The following NAP1L5 variants were observed in gnomAD, a reference collection of about 807,000 sequenced individuals.
NAP1L5 encodes nucleosome assembly protein 1-like 5.
For missense variants in NAP1L5, 249 were observed against 246.4 expected (o/e 1.01, Z -0.07); for synonymous variants, 125 against 103.6 (o/e 1.21, Z -1.25).
rs1734672271 is a variant in NAP1L5, at chr4:88,697,069, A to G, written c.*137T>C. 1.2e-6 allele frequency: 1 copy of G among 823,788 alleles called. No homozygotes were observed. The highest frequency in any genetic ancestry group is 1.8e-6 in the Non-Finnish European group (1 of 542,774). 51.0% of individuals were successfully genotyped at this position (823,788 alleles called of 1,614,324 possible). On this transcript the variant is annotated 3_prime_UTR_variant, in exon 1 of 1. Coordinates refer to ENST00000323061, the MANE Select transcript of NAP1L5 (RefSeq NM_153757.4). ...GGATCTAATTGCTTTAATTTAATCT[A>G]TTTTAGGAATGTCAGAATAAATTCA...
In NAP1L5 at chr4:88,697,290, C is replaced by G. The variant is rs770566274; in HGVS notation, c.465G>C (p.Glu155Asp). The change falls in exon 1 of 1, where the codon GAG becomes GAC. Residue 155 changes from glutamate to aspartate, a missense_variant. Glu to Asp is a conservative substitution (Grantham distance 45). Transcript: ENST00000323061. ...EDDEEEGEDE[E>D]EEEAAAEAAA... is the part of the protein sequence containing the mutation. ...CAGCCTCTGCCGCAGCCTCCTCCTC[C>G]TCCTCGTCTTCCCCCTCCTCCTCGT... The G allele has an allele frequency of 1.9e-6, 3 of 1,605,842 alleles. No homozygotes were observed. In the East Asian group the frequency reaches 6.7e-5, roughly 36 times the overall value.
chr4:88,697,286 C>A lies in NAP1L5; in HGVS notation c.469G>T (p.Glu157Ter). 6.2e-7 allele frequency: 1 copy of A among 1,604,320 alleles called. No homozygotes were observed. Among genetic ancestry groups the A allele is most frequent in the Admixed American group, 1.7e-5 (1 of 58,680 alleles). Residue 157 changes from glutamate to a stop codon, truncating the protein, a stop_gained, in exon 1 of 1, where the codon GAG becomes TAG. Transcript: ENST00000323061. LOFTEE classifies it low-confidence loss of function (END_TRUNC). The stretch of plus-strand genomic sequence containing the variant: ...GCGGCAGCCTCTGCCGCAGCCTCCT[C>A]CTCCTCCTCGTCTTCCCCCTCCTCC... ...DEEEGEDEEE[E>*]EAAAEAAAGA...
rs1336689181 is a variant in NAP1L5, at chr4:88,696,743, G to A, written c.*463C>T. The A allele has an allele frequency of 6.4e-6, 1 of 155,082 alleles. No homozygotes were observed. The highest frequency in any genetic ancestry group is 1.4e-5 in the Non-Finnish European group (1 of 69,844). The allele number at this position is 155,082 out of a possible 1,614,324, so 9.6% of individuals were successfully genotyped here. On this transcript the variant is annotated 3_prime_UTR_variant, in exon 1 of 1. Transcript: ENST00000323061. ...ACAAAAGCAAAGTCTCAAAGATGAC[G>A]TTTTTCTTGGGTTCTGCCTTCTCTG...
At position 88,697,791 on chromosome 4, in the gene NAP1L5, C is replaced by T. The variant is rs1286422961; in HGVS notation, c.-37G>A. On this transcript the variant is annotated 5_prime_UTR_variant, in exon 1 of 1. Coordinates refer to ENST00000323061, the MANE Select transcript of NAP1L5 (RefSeq NM_153757.4). ...AGCCGCAGAGGTCTAGGAGGGCTCC[C>T]GCAGAGGCCCTGCACCCGAGCTGGT... The T allele has an allele frequency of 3.9e-6, 6 of 1,548,178 alleles. No homozygotes were observed. In the Admixed American group the frequency reaches 5.9e-5, roughly 15 times the overall value.
At position 88,697,141 on chromosome 4, in the gene NAP1L5, T is replaced by C; in HGVS notation, c.*65A>G. The C allele has an allele frequency of 1.4e-6, 2 of 1,433,988 alleles. No homozygotes were observed. Among genetic ancestry groups the C allele is most frequent in the Non-Finnish European group, 1.8e-6 (2 of 1,081,294 alleles). The allele number at this position is 1,433,988 out of a possible 1,614,324, so 88.8% of individuals were successfully genotyped here. On this transcript the variant is annotated 3_prime_UTR_variant, in exon 1 of 1. Coordinates refer to ENST00000323061, the MANE Select transcript of NAP1L5 (RefSeq NM_153757.4). ...CTGAGCCTTTTTAAGTCCATCGATATTCTGGGAAAAACAAAACCAGGCTTT... is the reference window on the plus strand; with the variant it reads ...CTGAGCCTTTTTAAGTCCATCGATACTCTGGGAAAAACAAAACCAGGCTTT...
At position 88,697,761 on chromosome 4, in the gene NAP1L5, G is replaced by A. The variant is rs1560779225; in HGVS notation, c.-7C>T. On this transcript the variant is annotated 5_prime_UTR_variant, in exon 1 of 1. Transcript: ENST00000323061. ...GGTTTTCCGAGTCGGCCATGTTAGA[G>A]GAGAAGCCGCAGAGGTCTAGGAGGG... The A allele has an allele frequency of 6.2e-7, 1 of 1,601,576 alleles. No individual in the cohort carries two copies. Among genetic ancestry groups the A allele is most frequent in the South Asian group, 1.1e-5 (1 of 89,512 alleles).
chr4:88,697,758 A>G lies in NAP1L5; in HGVS notation c.-4T>C, dbSNP rs1734797812. On this transcript the variant is annotated 5_prime_UTR_variant, in exon 1 of 1. Transcript: ENST00000323061. ...CCTGGTTTTCCGAGTCGGCCATGTT[A>G]GAGGAGAAGCCGCAGAGGTCTAGGA... The G allele has an allele frequency of 6.2e-7, 1 of 1,603,354 alleles. No homozygotes were observed. Among genetic ancestry groups the G allele is most frequent in the Non-Finnish European group, 8.5e-7 (1 of 1,175,234 alleles).
chr4:88,697,303 C>T lies in NAP1L5; in HGVS notation c.452G>A (p.Gly151Glu), dbSNP rs372613997. Reference protein sequence around the residue: ...EEEYEDDEEEGEDEEEEEAAA... With the variant: ...EEEYEDDEEEEEDEEEEEAAA... ...AGCCTCCTCCTCCTCCTCGTCTTCC[C>T]CCTCCTCCTCGTCATCCTCGTACTC... Residue 151 changes from glycine (G) to glutamate (E), a missense_variant, in exon 1 of 1, where the codon GGG becomes GAG. Transcript: ENST00000323061. 17 of 1,609,628 alleles carry T rather than the reference C, an allele frequency of 1.1e-5. No individual in the cohort carries two copies. The African/African-American group carries it at 2.0e-4, about 19-fold the overall frequency.
chr4:88,697,759 G>C lies in NAP1L5; in HGVS notation c.-5C>G. 1 of 1,602,938 alleles carries C rather than the reference G, an allele frequency of 6.2e-7. No individual in the cohort carries two copies. The highest frequency in any genetic ancestry group is 8.5e-7 in the Non-Finnish European group (1 of 1,175,050). ...CTGGTTTTCCGAGTCGGCCATGTTA[G>C]AGGAGAAGCCGCAGAGGTCTAGGAG... is the stretch of plus-strand genomic sequence containing the variant. On this transcript the variant is annotated 5_prime_UTR_variant, in exon 1 of 1. Transcript: ENST00000323061.
chr4:88,696,469 A>T lies in NAP1L5; in HGVS notation c.*737T>A, dbSNP rs1005326998. On this transcript the variant is annotated 3_prime_UTR_variant, in exon 1 of 1. Coordinates refer to ENST00000323061, the MANE Select transcript of NAP1L5 (RefSeq NM_153757.4). ...TTGGGGTATTTTTTACGTGTTTGTA[A>T]ATAGACAGTACTAAGAAAACACAAA... The T allele has an allele frequency of 6.6e-6, 1 of 152,536 alleles. No individual in the cohort carries two copies. The highest frequency in any genetic ancestry group is 2.4e-5 in the African/African-American group (1 of 41,418). 9.4% of individuals were successfully genotyped at this position (152,536 alleles called of 1,614,324 possible). A position where few individuals can be genotyped will look rare whatever the true frequency, so the allele number is the denominator to read the frequency against.
At position 88,697,379 on chromosome 4, in the gene NAP1L5, C is replaced by G; in HGVS notation, c.376G>C (p.Glu126Gln). The G allele has an allele frequency of 6.2e-7, 1 of 1,614,066 alleles. No individual in the cohort carries two copies. Among genetic ancestry groups the G allele is most frequent in the Non-Finnish European group, 8.5e-7 (1 of 1,180,036 alleles). The change falls in exon 1 of 1, where the codon GAG (glutamate) becomes CAG (glutamine). Residue 126 changes from glutamate to glutamine, a missense_variant. Physicochemically the swap from Glu to Gln is conservative, Grantham distance 29 (BLOSUM62 2). Coordinates refer to ENST00000323061, the MANE Select transcript of NAP1L5 (RefSeq NM_153757.4). ...AAGGTCCATGCACACCCCTCCATCT[C>G]GCCGGTGAGCTCTTGGATCTTGGCG... ...LLAKIQELTG[E>Q]MEGCAWTLEG...
Position 88,697,446 on chromosome 4 carries a change from C to T in NAP1L5, c.309G>A (p.Gln103=), listed in dbSNP as rs1560778190. 6 of 1,614,034 alleles carry T rather than the reference C, an allele frequency of 3.7e-6. No individual in the cohort carries two copies. The Admixed American group carries it at 8.3e-5, about 22-fold the overall frequency. Residue 103 remains glutamine, a synonymous_variant, in exon 1 of 1, where the codon CAG becomes CAA. Coordinates refer to ENST00000323061, the MANE Select transcript of NAP1L5 (RefSeq NM_153757.4). The part of the protein sequence containing the change: ...KIEAKFDKEF[Q]ALEKKYNDIY... ...TGTCATTATACTTTTTTTCCAGAGC[C>T]TGAAATTCCTTATCAAATTTGGCTT...
In NAP1L5 at chr4:88,696,471, T is replaced by C. The variant is rs1560776530; in HGVS notation, c.*735A>G. 1.3e-5 allele frequency: 2 copies of C among 152,580 alleles called. No individual in the cohort carries two copies. Among genetic ancestry groups the C allele is most frequent in the African/African-American group, 4.8e-5 (2 of 41,454 alleles). 9.5% of individuals were successfully genotyped at this position (152,580 alleles called of 1,614,324 possible). On this transcript the variant is annotated 3_prime_UTR_variant, in exon 1 of 1. Coordinates refer to ENST00000323061, the MANE Select transcript of NAP1L5 (RefSeq NM_153757.4). ...GGGGTATTTTTTACGTGTTTGTAAATAGACAGTACTAAGAAAACACAAACA... is the reference window on the plus strand; with the variant it reads ...GGGGTATTTTTTACGTGTTTGTAAACAGACAGTACTAAGAAAACACAAACA...
rs953950988 is a variant in NAP1L5, at chr4:88,696,974, G to C, written c.*232C>G. On this transcript the variant is annotated 3_prime_UTR_variant, in exon 1 of 1. Coordinates refer to ENST00000323061, the MANE Select transcript of NAP1L5 (RefSeq NM_153757.4). ...AAAACATAATTTTGGGTTTAATTCA[G>C]TTTTCTTTAACACCTTTTGATATAT... 1.1e-5 allele frequency: 5 copies of C among 436,018 alleles called. No homozygotes were observed. The highest frequency in any genetic ancestry group is 1.0e-4 in the African/African-American group (5 of 48,836). 27.0% of individuals were successfully genotyped at this position (436,018 alleles called of 1,614,324 possible).
Position 88,697,595 on chromosome 4 carries a change from C to T in NAP1L5, c.160G>A (p.Glu54Lys), listed in dbSNP as rs1019510282. ...PDSAAGQMAE[E>K]PQTPAENAPK... ...GCATTCTCTGCAGGGGTCTGGGGCT[C>T]CTCAGCCATCTGACCAGCCGCGCTG... The change falls in exon 1 of 1, where the codon GAG becomes AAG. Residue 54 changes from glutamate to lysine, a missense_variant. Physicochemically the swap from Glu to Lys is moderately conservative, Grantham distance 56. Coordinates refer to ENST00000323061, the MANE Select transcript of NAP1L5 (RefSeq NM_153757.4). 3 of 1,613,874 alleles carry T rather than the reference C, an allele frequency of 1.9e-6. No individual in the cohort carries two copies. The African/African-American group carries it at 4.0e-5, about 22-fold the overall frequency.
At position 88,697,744 on chromosome 4, in the gene NAP1L5, G is replaced by A. The variant is rs773253882; in HGVS notation, c.11C>T (p.Ser4Leu). The A allele has an allele frequency of 2.5e-6, 4 of 1,608,272 alleles. No homozygotes were observed. Among genetic ancestry groups the A allele is most frequent in the Non-Finnish European group, 3.4e-6 (4 of 1,177,748 alleles). The change falls in exon 1 of 1, where the codon TCG becomes TTG. Residue 4 changes from serine to leucine, a missense_variant. By Grantham distance (145) the Ser-to-Leu change is moderately radical (BLOSUM62 -2). Transcript: ENST00000323061. Reference sequence around the variant, plus strand: ...AGGCTCCGCAGGCCCCTGGTTTTCCGAGTCGGCCATGTTAGAGGAGAAGCC... The same window carrying A: ...AGGCTCCGCAGGCCCCTGGTTTTCCAAGTCGGCCATGTTAGAGGAGAAGCC... The part of the protein sequence containing the change: MAD[S>L]ENQGPAEPSQ...
chr4:88,697,017 A>G lies in NAP1L5; in HGVS notation c.*189T>C, dbSNP rs934462011. The G allele has an allele frequency of 1.2e-5, 6 of 514,646 alleles. No homozygotes were observed. The highest frequency in any genetic ancestry group is 9.9e-5 in the African/African-American group (5 of 50,424). 31.9% of individuals were successfully genotyped at this position (514,646 alleles called of 1,614,324 possible). A position where few individuals can be genotyped will look rare whatever the true frequency, so the allele number is the denominator to read the frequency against. On this transcript the variant is annotated 3_prime_UTR_variant, in exon 1 of 1. Transcript: ENST00000323061. ...TGATATATTTATTATGTTCAAAATG[A>G]AAGTCAAATTTGAATCGAGCTGGCC...
Position 88,697,486 on chromosome 4 carries a change from C to T in NAP1L5, c.269G>A (p.Arg90Gln), listed in dbSNP as rs564016200. ...AAATTTGGCTTCTATCTTATCGCAT[C>T]GCTTCTGCAGCTTTTTGAGGGCCAG... The part of the protein sequence containing the change: ...RVLALKKLQK[R>Q]CDKIEAKFDK... The change falls in exon 1 of 1, where the codon CGA becomes CAA. Residue 90 changes from arginine (R) to glutamine (Q), a missense_variant. By Grantham distance (43) the Arg-to-Gln change is conservative (BLOSUM62 1). Transcript: ENST00000323061. The T allele has an allele frequency of 5.6e-6, 9 of 1,614,126 alleles. No individual in the cohort carries two copies. The highest frequency in any genetic ancestry group is 1.1e-5 in the South Asian group (1 of 91,076).
rs1266054252 is a variant in NAP1L5 at position 88,697,398 on chromosome 4, C to T, written c.357G>A (p.Lys119=). The T allele has an allele frequency of 6.2e-7, 1 of 1,614,106 alleles. No homozygotes were observed. The highest frequency in any genetic ancestry group is 1.7e-5 in the Admixed American group (1 of 60,010). The change falls in exon 1 of 1, where the codon AAG becomes AAA. Residue 119 remains lysine (K), a synonymous_variant. Coordinates refer to ENST00000323061, the MANE Select transcript of NAP1L5 (RefSeq NM_153757.4). ...CCATCTCGCCGGTGAGCTCTTGGAT[C>T]TTGGCGAGTAGGGGCTTATAGATGT... ...YNDIYKPLLA[K]IQELTGEMEG...
Sources: gnomAD v4.1 joint callset for allele counts on GRCh38, gnomAD v4.1.1 for gene constraint, MANE v1.5 for transcripts, NCBI Gene and HGNC (gene_info 2026-07-23, HGNC 2026-07-21) for gene names.